PLCE1: variants seen among roughly 807,000 people sequenced by gnomAD.
PLCE1 encodes phospholipase C epsilon 1, also known as 1-phosphatidylinositol 4,5-bisphosphate phosphodiesterase epsilon-1.
Under a neutral mutation model 242.8 loss-of-function variants are expected in PLCE1, and 119 were observed. The observed-to-expected ratio is 0.49, with a 90% CI of 0.42 to 0.57. The LOEUF (loss-of-function observed/expected upper bound fraction) is 0.57. Among genes scored for constraint, PLCE1 ranks in the 20% least tolerant of loss-of-function variants. PLCE1 has a pLI of 0.00. For missense variants in PLCE1, 2,441 were observed against 2,788.8 expected (o/e 0.88, Z 2.81); for synonymous variants, 945 against 1,017.4 (o/e 0.93, Z 1.35).
intron 1 of PLCE1, among the ~76,000 whole-genome samples, chr10:94,016,635 T>C (rs2061288035): frequency 6.6e-6 from 1 of 152,170 alleles, no homozygotes; most frequent in South Asian, 2.1e-4. Context: ...CAATATATAG[T>C]ATAATTTCAA....
At chr10:94,248,842 C>T (rs1230126699) in intron 8 of PLCE1, among the ~76,000 whole-genome samples, 1 of 152,190 alleles carries the variant, frequency 6.6e-6, no homozygotes, top group Non-Finnish European at 1.5e-5. Flanking sequence ...CATTTGTCTG[C>T]TTCTCAAGCT....
chr10:94,245,882 A>G, intron 7 of PLCE1, 64 bp from the exon 8 acceptor site: 1 of 1,303,480 alleles, frequency 7.7e-7, no homozygotes, highest in South Asian at 1.2e-5. Context: ...GTGTCAGTGA[A>G]AATGTCTTTG....
chr10:94,037,965 G>A (rs2061695703), intron 2 of PLCE1, among the ~76,000 whole-genome samples: 3 of 152,174 alleles, frequency 2.0e-5, no homozygotes, highest in Non-Finnish European at 4.4e-5. Context: ...CTACATAATG[G>A]GAATTAGCAG....
intron 2 of PLCE1, among the ~76,000 whole-genome samples, chr10:94,093,945 T>C (rs993634262): frequency 7.6e-6 from 1 of 131,504 alleles, no homozygotes; most frequent in Non-Finnish European, 1.6e-5. Context: ...TTTTTTTTTT[T>C]TTTTTTTTTT....
chr10:94,068,046 C>T (rs1182790617), intron 2 of PLCE1, among the ~76,000 whole-genome samples: 4 of 152,180 alleles, frequency 2.6e-5, no homozygotes, highest in Admixed American at 6.5e-5. Flanking sequence ...TTGCACCCTC[C>T]CCTGTAACCT....
At chr10:94,034,758 A>G (rs1016855241) in intron 2 of PLCE1, among the ~76,000 whole-genome samples, 30 of 152,136 alleles carry the variant, frequency 2.0e-4, no homozygotes, top group African/African-American at 7.0e-4. Flanking sequence ...GCACAGCATG[A>G]ATATTTTTTT....
intron 2 of PLCE1, among the ~76,000 whole-genome samples, chr10:94,084,383 T>G (rs2044740958): frequency 6.6e-6 from 1 of 152,044 alleles, no homozygotes; most frequent in Non-Finnish European, 1.5e-5. Context: ...GAGTTTGGGG[T>G]AGGGAAGAAC....
At chr10:94,094,447 G>C (rs899973660) in intron 2 of PLCE1, among the ~76,000 whole-genome samples, 1 of 152,138 alleles carries the variant, frequency 6.6e-6, no homozygotes, top group Admixed American at 6.5e-5. Context: ...TATGACAGGT[G>C]CATGAATGGA....
intron 1 of PLCE1, among the ~76,000 whole-genome samples, chr10:94,029,214 C>A (rs2061508949): frequency 1.3e-5 from 2 of 152,138 alleles, no homozygotes; most frequent in Admixed American, 1.3e-4. Flanking sequence ...GAATTGCTTA[C>A]CTCATGGGTA....
intron 3 of PLCE1, among the ~76,000 whole-genome samples, chr10:94,133,169 A>T (rs907503391): frequency 6.6e-6 from 1 of 152,082 alleles, no homozygotes; most frequent in Non-Finnish European, 1.5e-5. Context: ...TGAAATATAG[A>T]TCTCCTTCAT....
rs75823594 is a variant in PLCE1, at chr10:94,145,577, C to G, written c.1492+13118C>G. 3.5e-3 allele frequency among the ~76,000 whole-genome samples: 528 copies of G among 152,274 alleles called. 18 individuals are homozygous for G. The East Asian group carries it at 0.083, about 24-fold the overall frequency. ...TAAAATGTTCTGGCTTCTCTGGCAA[C>G]CCTGGGCCACTATTCTCCCTTGGCC... On this transcript the variant is annotated intron_variant, in intron 3 of 32. Coordinates refer to ENST00000371380, the MANE Select transcript of PLCE1 (RefSeq NM_016341.4).
At chr10:94,015,340 G>GA (rs531977127) in intron 1 of PLCE1, among the ~76,000 whole-genome samples, 284 of 150,876 alleles carry the variant, frequency 1.9e-3, no homozygotes, top group Middle Eastern at 0.014. Context: ...AGTCAGGATA[G>GA]AAAAAAAAAT....
chr10:94,244,137 T>G (rs568020285), intron 7 of PLCE1, among the ~76,000 whole-genome samples: 5 of 152,254 alleles, frequency 3.3e-5, no homozygotes, highest in African/African-American at 9.6e-5. Context: ...AATATCCACG[T>G]GTGGGGCAAG....
intron 3 of PLCE1, among the ~76,000 whole-genome samples, chr10:94,167,498 T>C (rs2047843127): frequency 6.9e-6 from 1 of 145,248 alleles, no homozygotes. Context: ...GCCTGGCACA[T>C]AGTAGGCACT....
In PLCE1 at chr10:94,234,173, C is replaced by G. The variant is rs750947203; in HGVS notation, c.2075C>G (p.Thr692Arg). The G allele has an allele frequency of 6.2e-7, 1 of 1,614,142 alleles. No homozygotes were observed. Among genetic ancestry groups the G allele is most frequent in the Non-Finnish European group, 8.5e-7 (1 of 1,179,998 alleles). Residue 692 changes from threonine (T) to arginine (R), a missense_variant, in exon 6 of 33, where the codon ACA becomes AGA. Transcript: ENST00000371380. The stretch of plus-strand genomic sequence containing the variant: ...TCTTGTGAGTACAGAAAGGTGGTGA[C>G]ACGTGCCCTGCACATCCCTGGCTGT... ...ESSCEYRKVV[T>R]RALHIPGCKV...
At chr10:94,282,517 G>A in intron 20 of PLCE1, among the ~76,000 whole-genome samples, 1 of 152,124 alleles carries the variant, frequency 6.6e-6, no homozygotes, top group East Asian at 1.9e-4. Flanking sequence ...AAGTCATATT[G>A]GGAGTATTAC....
chr10:94,167,447 C>T (rs2047841278), intron 3 of PLCE1, among the ~76,000 whole-genome samples: 1 of 151,978 alleles, frequency 6.6e-6, no homozygotes. Context: ...AAACTTTATT[C>T]TTGTTCACTA....
intron 2 of PLCE1, chr10:94,100,316 C>G (rs554386716): frequency 1.2e-4 from 18 of 152,212 alleles, no homozygotes; most frequent in African/African-American, 4.1e-4. Context: ...TTCACCACCC[C>G]CTCACCCTCC....
intron 2 of PLCE1, chr10:94,094,617 T>C (rs1302237784): frequency 6.6e-6 from 1 of 152,246 alleles, no homozygotes; most frequent in Non-Finnish European, 1.5e-5. Flanking sequence ...AGGGAATGAT[T>C]AGACATGGAG....
Sources: gnomAD v4.1 joint callset for allele counts (sites outside exome capture counted in the v4.1 genomes callset) on GRCh38, gnomAD v4.1.1 for gene constraint, MANE v1.5 for transcripts, NCBI Gene and HGNC (gene_info 2026-07-23, HGNC 2026-07-21) for gene names.